The following GATB variants were observed in gnomAD, a reference collection of about 807,000 sequenced individuals.
GATB encodes glutamyl-tRNA amidotransferase subunit B.
A neutral mutation model predicts 62.3 loss-of-function variants in GATB; 39 were observed. That is an observed-to-expected ratio of 0.63 (90% confidence interval 0.48 to 0.82). GATB has a LOEUF of 0.82. Ranked by LOEUF, GATB falls within the 40% of genes least tolerant of loss-of-function variation. GATB has a pLI of 0.00. For missense variants in GATB, 670 were observed against 684.0 expected, an observed-to-expected ratio of 0.98 and a Z score of 0.23; for synonymous variants, 276 against 258.9, an observed-to-expected ratio of 1.07 and a Z score of -0.63.
At position 151,759,557 on chromosome 4, in the gene GATB, G is replaced by A. The variant is rs907868347; in HGVS notation, c.177-635C>T. Among the ~76,000 whole-genome samples the A allele has an allele frequency of 3.6e-4, 55 of 151,960 alleles. 1 individual carries two copies. Among genetic ancestry groups the A allele is most frequent in the Admixed American group, 1.7e-3 (26 of 15,260 alleles). On this transcript the variant is annotated intron_variant, in intron 1 of 12. Transcript: ENST00000263985. Reference sequence around the variant, plus strand: ...AACCATCTGATGCGGCATATTTTTGGTCCCCCAAATCACTTTCAATTCCTG... The same window carrying A: ...AACCATCTGATGCGGCATATTTTTGATCCCCCAAATCACTTTCAATTCCTG...
intron 10 of GATB, among the ~76,000 whole-genome samples, chr4:151,686,044 C>G (rs1738237467): frequency 6.8e-6 from 1 of 147,708 alleles, no homozygotes; most frequent in Non-Finnish European, 1.5e-5. Flanking sequence ...CAGGGCGAGA[C>G]TCTGTCTAAA....
intron 2 of GATB, among the ~76,000 whole-genome samples, chr4:151,735,192 G>T (rs149112387): frequency 7.0e-6 from 1 of 143,004 alleles, no homozygotes; most frequent in East Asian, 2.0e-4. Context: ...TCTGACAAAG[G>T]ACTAATAACC....
intron 2 of GATB, among the ~76,000 whole-genome samples, chr4:151,750,969 C>G (rs10049728): frequency 0.56 from 84,594 of 151,746 alleles, 24,996 homozygotes; most frequent in African/African-American, 0.77. Context: ...TAAAATATAC[C>G]CACTCCCTAA....
chr4:151,680,040 T>TTATTTACTTA, intron 10 of GATB, 149 bp from the exon 11 acceptor site: 1 of 626,912 alleles, frequency 1.6e-6, no homozygotes. Context: ...CTGGGCTCTC[T>TTATTTACTTA]TTTATTTTAC....
intron 9 of GATB, among the ~76,000 whole-genome samples, chr4:151,689,166 C>T (rs6833277): frequency 0.14 from 20,805 of 152,144 alleles, 1,634 homozygotes; most frequent in African/African-American, 0.21. Context: ...CAGGCCTGTC[C>T]TCTGCTGAAG....
intron 2 of GATB, among the ~76,000 whole-genome samples, chr4:151,742,475 A>G (rs1335647192): frequency 6.6e-6 from 1 of 152,144 alleles, no homozygotes; most frequent in Non-Finnish European, 1.5e-5. Context: ...ACCCATATTC[A>G]CAGCCTTTGT....
intron 2 of GATB, among the ~76,000 whole-genome samples, chr4:151,754,245 C>T (rs769096245): frequency 1.3e-5 from 2 of 152,224 alleles, no homozygotes; most frequent in African/African-American, 2.4e-5. Flanking sequence ...AAATTCTATG[C>T]TACAACACAT....
At position 151,689,980 on chromosome 4, in the gene GATB, G is replaced by A. The variant is rs140285221; in HGVS notation, c.1198-1217C>T. Among the ~76,000 whole-genome samples, 1,128 of 152,278 alleles carry A rather than the reference G, an allele frequency of 7.4e-3. 7 individuals carry two copies. The highest frequency in any genetic ancestry group is 0.029 in the South Asian group (141 of 4,810). ...AAATTTCCAAATTCAGAGGATATAC[G>A]TTTTAAGTAGCAGATTTCCTTTACC... On this transcript the variant is annotated intron_variant, in intron 9 of 12. Coordinates refer to ENST00000263985, the MANE Select transcript of GATB (RefSeq NM_004564.3).
In GATB at chr4:151,744,252, A is replaced by C. The variant is rs576277297; in HGVS notation, c.327+14520T>G. On this transcript the variant is annotated intron_variant, in intron 2 of 12. Coordinates refer to ENST00000263985, the MANE Select transcript of GATB (RefSeq NM_004564.3). ...ATATGGATGCCTCGTGTGTGTACGC[A>C]CGTGTATGTACGTGTATGCAAGTAT... is the stretch of plus-strand genomic sequence containing the variant. 2.6e-3 allele frequency among the ~76,000 whole-genome samples: 399 copies of C among 152,344 alleles called. 15 individuals are homozygous for C. In the South Asian group the frequency reaches 0.078, roughly 30 times the overall value.
intron 4 of GATB, 42 bp from the exon 5 acceptor site, chr4:151,716,173 A>G (rs1738909174): frequency 1.3e-6 from 2 of 1,580,072 alleles, no homozygotes; most frequent in Non-Finnish European, 8.6e-7. Context: ...CAGCTCTCCA[A>G]TTTCACCAAC....
At chr4:151,756,613 G>T (rs896711289) in intron 2 of GATB, among the ~76,000 whole-genome samples, 23 of 152,278 alleles carry the variant, frequency 1.5e-4, no homozygotes, top group African/African-American at 5.5e-4. Context: ...ATACAAAACT[G>T]TATTTCCAGA....
chr4:151,738,985 T>TG (rs1739431119), intron 2 of GATB, among the ~76,000 whole-genome samples: 1 of 152,218 alleles, frequency 6.6e-6, no homozygotes, highest in African/African-American at 2.4e-5. Context: ...CCCCTGACCT[T>TG]GCTCATTGGG....
chr4:151,677,851 ATAAT>A (rs1187188143), intron 11 of GATB: 19 of 152,118 alleles, frequency 1.2e-4, no homozygotes, highest in East Asian at 3.9e-4. Flanking sequence ...TTGACACTAT[ATAAT>A]TAATAATAAG....
intron 11 of GATB, chr4:151,677,495 G>A (rs1402061617): frequency 6.6e-6 from 1 of 152,220 alleles, no homozygotes; most frequent in Non-Finnish European, 1.5e-5. Context: ...TTATATGAAT[G>A]AAACACAGCA....
chr4:151,681,442 C>G, intron 10 of GATB, among the ~76,000 whole-genome samples: 1 of 92,000 alleles, frequency 1.1e-5, no homozygotes, highest in African/African-American at 1.1e-4. Flanking sequence ...GGCGGCTAAA[C>G]AAACTAAAAA....
At chr4:151,687,745 C>A (rs761858199) in intron 10 of GATB, among the ~76,000 whole-genome samples, 3 of 152,294 alleles carry the variant, frequency 2.0e-5, no homozygotes, top group East Asian at 3.9e-4. Context: ...CTCCCTCCCC[C>A]CTTCCTGTTT....
At chr4:151,744,471 G>C (rs1739556402) in intron 2 of GATB, among the ~76,000 whole-genome samples, 1 of 152,108 alleles carries the variant, frequency 6.6e-6, no homozygotes, top group African/African-American at 2.4e-5. Context: ...AGAAAGTAGA[G>C]GCCAGGCATG....
chr4:151,753,910 C>A (rs1339768492), intron 2 of GATB, among the ~76,000 whole-genome samples: 1 of 152,218 alleles, frequency 6.6e-6, no homozygotes, highest in Non-Finnish European at 1.5e-5. Context: ...ACACTCACTT[C>A]TTCCTCCATG....
chr4:151,734,613 C>A (rs1739333010), intron 2 of GATB, among the ~76,000 whole-genome samples: 1 of 152,086 alleles, frequency 6.6e-6, no homozygotes, highest in Non-Finnish European at 1.5e-5. Context: ...CAAAAAAGAG[C>A]CCGCATAACC....
Sources: allele counts gnomAD v4.1 joint callset (sites outside exome capture counted in the v4.1 genomes callset), GRCh38; gene constraint gnomAD v4.1.1; transcripts MANE v1.5; gene names NCBI Gene and HGNC (gene_info 2026-07-23, HGNC 2026-07-21).